Variants in FOXP1 observed in about 807,000 individuals in gnomAD.
FOXP1 encodes the protein forkhead box P1.
Under a neutral mutation model 98.2 loss-of-function variants are expected in FOXP1, and 15 were observed. The observed-to-expected ratio is 0.15, with a 90% CI of 0.10 to 0.24. The LOEUF is 0.24. Among genes scored for constraint, FOXP1 ranks in the 10% least tolerant of loss-of-function variants. The probability of loss-of-function intolerance (pLI) is 1.00; values close to 1 mark genes in which losing one functional copy is unlikely to be tolerated. For synonymous variants in FOXP1, 371 were observed against 314.5 expected (o/e 1.18, Z -1.90); for missense variants, 633 against 848.5 (o/e 0.75, Z 3.15).
intron 10 of FOXP1, among the ~76,000 whole-genome samples, chr3:71,043,938 G>A (rs780283139): frequency 3.7e-4 from 57 of 152,148 alleles, no homozygotes; most frequent in Non-Finnish European, 6.5e-4. Context: ...GAGAAAAATG[G>A]TAAATAAAAA....
intron 11 of FOXP1, among the ~76,000 whole-genome samples, chr3:71,032,351 T>G (rs1353784584): frequency 6.6e-6 from 1 of 152,240 alleles, no homozygotes; most frequent in African/African-American, 2.4e-5. Context: ...AAATTACAGT[T>G]AAGAGAATTC....
At chr3:71,005,990 A>T (rs937143180) in intron 12 of FOXP1, among the ~76,000 whole-genome samples, 1 of 152,114 alleles carries the variant, frequency 6.6e-6, no homozygotes, top group Non-Finnish European at 1.5e-5. Context: ...ATCCACAAAC[A>T]ATCAAACACA....
At chr3:71,035,579 T>C (rs953516522) in intron 11 of FOXP1, among the ~76,000 whole-genome samples, 6 of 152,148 alleles carry the variant, frequency 3.9e-5, no homozygotes, top group Admixed American at 1.3e-4. Flanking sequence ...CGAGCTCTGT[T>C]ATAGTGTTAT....
At chr3:71,351,116 C>A (rs1230552839) in intron 4 of FOXP1, among the ~76,000 whole-genome samples, 1 of 152,154 alleles carries the variant, frequency 6.6e-6, no homozygotes, top group Non-Finnish European at 1.5e-5. Flanking sequence ...AAAACAGACT[C>A]ATGAAAGGTT....
chr3:71,389,254 C>CGGG (rs1560413261), intron 3 of FOXP1, among the ~76,000 whole-genome samples: 137 of 6,046 alleles, frequency 0.023, 6 homozygotes, highest in African/African-American at 0.029. Context: ...GGGGGGGGGC[C>CGGG]GGGGGGGGCG....
chr3:71,460,430 GT>G (rs1202216641), intron 3 of FOXP1, among the ~76,000 whole-genome samples: 2 of 148,348 alleles, frequency 1.3e-5, no homozygotes, highest in African/African-American at 2.5e-5. Context: ...GGTTTTTTTC[GT>G]TTTTTTTTGT....
At chr3:71,335,476 G>A (rs1295302657) in intron 4 of FOXP1, among the ~76,000 whole-genome samples, 4 of 152,034 alleles carry the variant, frequency 2.6e-5, no homozygotes, top group East Asian at 1.9e-4. Context: ...CTTTGTTCTC[G>A]AGAACCAAAA....
intron 2 of FOXP1, among the ~76,000 whole-genome samples, chr3:71,494,408 C>G (rs955411636): frequency 6.6e-6 from 1 of 152,134 alleles, no homozygotes; most frequent in Non-Finnish European, 1.5e-5. Flanking sequence ...TTTGTTTTTA[C>G]CATGATTCAC....
chr3:71,147,056 A>G (rs1007685383), intron 6 of FOXP1, among the ~76,000 whole-genome samples: 4 of 152,214 alleles, frequency 2.6e-5, no homozygotes, highest in African/African-American at 7.2e-5. Context: ...TGCCTAAATT[A>G]CCTGGCGTTT....
At chr3:71,044,974 G>T (rs1173813408) in intron 10 of FOXP1, among the ~76,000 whole-genome samples, 1 of 152,130 alleles carries the variant, frequency 6.6e-6, no homozygotes, top group African/African-American at 2.4e-5. Flanking sequence ...AAAAAAAATT[G>T]TGTTCTAGTC....
intron 11 of FOXP1, among the ~76,000 whole-genome samples, chr3:71,022,599 G>C (rs1172484527): frequency 6.6e-6 from 1 of 152,186 alleles, no homozygotes; most frequent in Non-Finnish European, 1.5e-5. Context: ...GAGTGTAACT[G>C]TTCCTTTTAC....
chr3:71,279,331 T>A (rs958531975), intron 5 of FOXP1, among the ~76,000 whole-genome samples: 1 of 152,212 alleles, frequency 6.6e-6, no homozygotes, highest in African/African-American at 2.4e-5. Context: ...ATCTGGTAAT[T>A]TGCCCTAAAT....
intron 2 of FOXP1, among the ~76,000 whole-genome samples, chr3:71,496,354 C>G (rs975671054): frequency 2.0e-5 from 3 of 152,078 alleles, no homozygotes; most frequent in Non-Finnish European, 2.9e-5. Context: ...GGGTGGAAAA[C>G]GCATTTCACA....
chr3:71,348,855 C>T (rs2077582708), intron 4 of FOXP1, among the ~76,000 whole-genome samples: 1 of 152,146 alleles, frequency 6.6e-6, no homozygotes, highest in Non-Finnish European at 1.5e-5. Context: ...CAGAGATGAA[C>T]ATGGAAGAAG....
chr3:71,225,038 AC>A (rs1389651011), intron 5 of FOXP1, among the ~76,000 whole-genome samples: 1 of 152,190 alleles, frequency 6.6e-6, no homozygotes, highest in Non-Finnish European at 1.5e-5. Flanking sequence ...CACCTTCAAA[AC>A]CACACTCAAG....
At chr3:71,415,917 T>G (rs2083177204) in intron 3 of FOXP1, among the ~76,000 whole-genome samples, 1 of 152,222 alleles carries the variant, frequency 6.6e-6, no homozygotes, top group African/African-American at 2.4e-5. Context: ...CTATTTGGTT[T>G]GGTTTTCAAA....
intron 4 of FOXP1, among the ~76,000 whole-genome samples, chr3:71,353,475 GT>G (rs993437932): frequency 3.1e-4 from 47 of 150,978 alleles, no homozygotes; most frequent in Admixed American, 2.4e-3. Flanking sequence ...TCTAACCAAT[GT>G]TTTTTTTTCT....
intron 7 of FOXP1, among the ~76,000 whole-genome samples, chr3:71,105,624 T>C (rs929826221): frequency 1.5e-4 from 23 of 152,184 alleles, no homozygotes; most frequent in African/African-American, 5.6e-4. Flanking sequence ...CTCCACCTCC[T>C]AGCCCCAACA....
intron 7 of FOXP1, among the ~76,000 whole-genome samples, chr3:71,097,916 T>A (rs1170031555): frequency 6.6e-6 from 1 of 152,196 alleles, no homozygotes; most frequent in Non-Finnish European, 1.5e-5. Context: ...CTGGGTGTCA[T>A]CCTCAAAAAT....
Sources: gnomAD v4.1 joint callset for allele counts (sites outside exome capture counted in the v4.1 genomes callset) on GRCh38, gnomAD v4.1.1 for gene constraint, MANE v1.5 for transcripts, NCBI Gene and HGNC (gene_info 2026-07-23, HGNC 2026-07-21) for gene names.